The following RORA variants were observed in gnomAD, a reference collection of about 807,000 sequenced individuals.
RORA encodes the protein nuclear receptor ROR-alpha.
In RORA, 7 loss-of-function variants were observed where a neutral mutation model predicts 69.5. The observed-to-expected ratio is 0.10, with a 90% CI of 0.06 to 0.19. The LOEUF is 0.19. Among genes scored for constraint, RORA ranks in the 10% least tolerant of loss-of-function variants. The probability of loss-of-function intolerance (pLI) is 1.00; values close to 1 mark genes in which losing one functional copy is unlikely to be tolerated. For synonymous variants in RORA, 261 were observed against 240.8 expected (o/e 1.08, Z -0.78); for missense variants, 457 against 663.0 (o/e 0.69, Z 3.41).
At chr15:61,195,614 C>T (rs1036084705) in intron 1 of RORA, among the ~76,000 whole-genome samples, 3 of 152,062 alleles carry the variant, frequency 2.0e-5, no homozygotes, top group South Asian at 2.1e-4. Context: ...AAGCAGTTGC[C>T]GGCCTTCTCC....
intron 1 of RORA, among the ~76,000 whole-genome samples, chr15:60,855,237 C>T (rs978603554): frequency 6.6e-6 from 1 of 152,168 alleles, no homozygotes; most frequent in Non-Finnish European, 1.5e-5. Flanking sequence ...CGTCTCCTGG[C>T]CTTTCATGTT....
chr15:60,525,692 A>T (rs185812562), intron 3 of RORA, among the ~76,000 whole-genome samples: 35 of 152,306 alleles, frequency 2.3e-4, no homozygotes, highest in Non-Finnish European at 4.3e-4. Context: ...CAGTACAACT[A>T]AAAATTTGGA....
intron 2 of RORA, among the ~76,000 whole-genome samples, chr15:60,645,807 T>A (rs1267583005): frequency 7.0e-6 from 1 of 141,888 alleles, no homozygotes; most frequent in Non-Finnish European, 1.5e-5. Flanking sequence ...GTTTTTTTTT[T>A]TTTTTAAAAA....
At chr15:60,641,755 C>G (rs1482066795) in intron 2 of RORA, among the ~76,000 whole-genome samples, 1 of 152,092 alleles carries the variant, frequency 6.6e-6, no homozygotes, top group African/African-American at 2.4e-5. Flanking sequence ...GACAGAAAGA[C>G]TAAATCCTGG....
At chr15:60,857,198 G>T (rs2073389485) in intron 1 of RORA, among the ~76,000 whole-genome samples, 1 of 152,152 alleles carries the variant, frequency 6.6e-6, no homozygotes, top group Non-Finnish European at 1.5e-5. Context: ...ATGAATAGTT[G>T]AGGGGCACAT....
In RORA at chr15:61,184,131, C is replaced by T. The variant is rs529461641; in HGVS notation, c.166+44922G>A. ...ACTTGCTTCCCACAGATGAGTTCCA[C>T]GCATTGCACTGCATTTCACAATTTT... On this transcript the variant is annotated intron_variant, in intron 1 of 10. Transcript: ENST00000335670. Among the ~76,000 whole-genome samples, 49 of 152,328 alleles carry T rather than the reference C, an allele frequency of 3.2e-4. 1 individual carries two copies. The South Asian group carries it at 6.8e-3, about 21-fold the overall frequency.
At chr15:60,809,174 A>G (rs1255738065) in intron 1 of RORA, among the ~76,000 whole-genome samples, 1 of 152,122 alleles carries the variant, frequency 6.6e-6, no homozygotes, top group Non-Finnish European at 1.5e-5. Flanking sequence ...CATTGAAAAA[A>G]TAAATTAAAA....
intron 1 of RORA, among the ~76,000 whole-genome samples, chr15:61,217,054 G>T (rs566410754): frequency 6.6e-6 from 1 of 152,254 alleles, no homozygotes; most frequent in East Asian, 1.9e-4. Context: ...CCAAACCGAA[G>T]GCCCCATTGG....
At chr15:60,507,556 G>A (rs1392961240) in intron 5 of RORA, among the ~76,000 whole-genome samples, 1 of 152,130 alleles carries the variant, frequency 6.6e-6, no homozygotes, top group Non-Finnish European at 1.5e-5. Flanking sequence ...ATGAGAAACT[G>A]AGAGTGAGAG....
chr15:60,754,753 T>A (rs1037872691), intron 1 of RORA, among the ~76,000 whole-genome samples: 14 of 152,184 alleles, frequency 9.2e-5, no homozygotes, highest in African/African-American at 3.1e-4. Context: ...TCCTTTCTTA[T>A]ACAGATGAGG....
chr15:60,567,001 C>T (rs1490737468), intron 2 of RORA, among the ~76,000 whole-genome samples: 4 of 152,116 alleles, frequency 2.6e-5, no homozygotes, highest in African/African-American at 4.8e-5. Flanking sequence ...GTTTAGATTA[C>T]GTGTGAGAGC....
At chr15:60,968,090 T>C (rs1270326214) in intron 1 of RORA, among the ~76,000 whole-genome samples, 3 of 152,130 alleles carry the variant, frequency 2.0e-5, no homozygotes, top group Non-Finnish European at 2.9e-5. Flanking sequence ...CAATAATAAA[T>C]ATGTATTGGT....
intron 2 of RORA, among the ~76,000 whole-genome samples, chr15:60,625,132 G>A (rs1483149493): frequency 6.6e-6 from 1 of 152,164 alleles, no homozygotes. Flanking sequence ...AGCTCCAATG[G>A]AGAGAGGGCA....
intron 1 of RORA, among the ~76,000 whole-genome samples, chr15:60,907,306 C>A (rs1033953138): frequency 6.6e-6 from 1 of 152,166 alleles, no homozygotes; most frequent in African/African-American, 2.4e-5. Context: ...GAATAGATGT[C>A]TCTCTAAATG....
intron 5 of RORA, among the ~76,000 whole-genome samples, chr15:60,509,024 T>A (rs1448604574): frequency 6.6e-6 from 1 of 152,206 alleles, no homozygotes; most frequent in Non-Finnish European, 1.5e-5. Flanking sequence ...TATAATTTAT[T>A]TTCCTATTAT....
intron 1 of RORA, among the ~76,000 whole-genome samples, chr15:60,923,630 C>T (rs2140491901): frequency 1.3e-5 from 2 of 152,332 alleles, no homozygotes; most frequent in South Asian, 4.1e-4. Context: ...TACTGCTTTG[C>T]TGTGTTGATC....
chr15:61,203,873 C>T (rs1262604901), intron 1 of RORA, among the ~76,000 whole-genome samples: 1 of 152,232 alleles, frequency 6.6e-6, no homozygotes, highest in African/African-American at 2.4e-5. Flanking sequence ...ACATTAGATG[C>T]CTCCTACTGG....
At chr15:60,968,113 C>T (rs1893608433) in intron 1 of RORA, among the ~76,000 whole-genome samples, 1 of 152,174 alleles carries the variant, frequency 6.6e-6, no homozygotes, top group Non-Finnish European at 1.5e-5. Context: ...TTACGCTATT[C>T]CAGAGACTGT....
chr15:60,599,171 T>C (rs58966091), intron 2 of RORA, among the ~76,000 whole-genome samples: 1 of 152,116 alleles, frequency 6.6e-6, no homozygotes, highest in African/African-American at 2.4e-5. Context: ...ATGAAGGATA[T>C]TTGAGCTAGA....
Sources: allele counts gnomAD v4.1 joint callset (sites outside exome capture counted in the v4.1 genomes callset), GRCh38; gene constraint gnomAD v4.1.1; transcripts MANE v1.5; gene names NCBI Gene and HGNC (gene_info 2026-07-23, HGNC 2026-07-21).